Variants in CFAP54 observed in about 807,000 individuals in gnomAD.
CFAP54 encodes the protein cilia- and flagella-associated protein 54.
Under a neutral mutation model 370.4 loss-of-function variants are expected in CFAP54, and 290 were observed. The ratio of observed to expected loss-of-function variants is 0.78; its 90% CI spans 0.71 to 0.86. CFAP54 has a LOEUF of 0.86. Among genes scored for constraint, CFAP54 ranks in the 40% least tolerant of loss-of-function variants. The pLI is 0.00. For missense variants in CFAP54, 3,399 were observed against 3,528.7 expected (o/e 0.96, Z 0.93); for synonymous variants, 1,206 against 1,236.5 (o/e 0.98, Z 0.52).
chr12:96,652,905 C>T (rs890981064), intron 36 of CFAP54, among the ~76,000 whole-genome samples: 2 of 152,150 alleles, frequency 1.3e-5, no homozygotes, highest in Non-Finnish European at 1.5e-5. Flanking sequence ...AGGGACATTT[C>T]GTGTTAAGAA....
At chr12:96,516,384 A>G (rs1955236132) in intron 5 of CFAP54, among the ~76,000 whole-genome samples, 1 of 139,916 alleles carries the variant, frequency 7.1e-6, no homozygotes, top group Non-Finnish European at 1.5e-5. Context: ...GACCCATTCT[A>G]TTTTGGTTTA....
intron 48 of CFAP54, among the ~76,000 whole-genome samples, chr12:96,711,073 A>G (rs1019912496): frequency 2.0e-5 from 3 of 152,300 alleles, no homozygotes; most frequent in South Asian, 2.1e-4. Context: ...TTTGATGAGC[A>G]ATTCAATCTC....
chr12:96,803,929 A>C (rs758840858), intron 63 of CFAP54, among the ~76,000 whole-genome samples: 2 of 152,158 alleles, frequency 1.3e-5, no homozygotes, highest in Non-Finnish European at 2.9e-5. Flanking sequence ...AGCATTCAAA[A>C]TATTGGTTTG....
intron 58 of CFAP54, 58 bp downstream of exon 58, chr12:96,757,646 G>A (rs563228796): frequency 2.1e-6 from 2 of 965,514 alleles, no homozygotes; most frequent in Non-Finnish European, 3.1e-6. Flanking sequence ...TGCTATTTTG[G>A]TAACACTGTG....
At chr12:96,743,262 A>G in intron 52 of CFAP54, 140 bp from the exon 53 acceptor site, 1 of 802,968 alleles carries the variant, frequency 1.2e-6, no homozygotes, top group Non-Finnish European at 1.9e-6. Context: ...TGTTTCATGT[A>G]GAGTCTGTTT....
At chr12:96,589,021 T>C (rs916047692) in intron 22 of CFAP54, among the ~76,000 whole-genome samples, 2 of 152,164 alleles carry the variant, frequency 1.3e-5, no homozygotes, top group Non-Finnish European at 2.9e-5. Context: ...TTTTCACATA[T>C]TGGGTTTGGG....
intron 66 of CFAP54, among the ~76,000 whole-genome samples, chr12:96,839,159 A>G (rs1959196467): frequency 1.3e-5 from 2 of 152,106 alleles, no homozygotes; most frequent in Admixed American, 6.5e-5. Flanking sequence ...GCTCAGCTCT[A>G]TTTTCTAGTC....
In CFAP54 at chr12:96,658,327, A is replaced by G; in HGVS notation, c.5441A>G (p.Glu1814Gly). 1 of 1,614,138 alleles carries G rather than the reference A, an allele frequency of 6.2e-7. No homozygotes were observed. Among genetic ancestry groups the G allele is most frequent in the South Asian group, 1.1e-5 (1 of 91,078 alleles). ...DITQQPCARYEAEYGEKITCR... is the reference protein window; with the variant it reads ...DITQQPCARYGAEYGEKITCR... ...ACCCAACAACCTTGTGCAAGGTATG[A>G]GGCTGAATATGGAGAGAAGGTAAGT... The change falls in exon 38 of 68, where the codon GAG (glutamate) becomes GGG (glycine). Residue 1814 changes from glutamate to glycine, a missense_variant. By Grantham distance (98) the Glu-to-Gly change is moderately conservative. This residue lies in a region of CFAP54 where 2,796 missense variants were observed against 2,869.7 expected (regional missense o/e 0.97). Coordinates refer to ENST00000524981, the MANE Select transcript of CFAP54 (RefSeq NM_001306084.2).
chr12:96,643,141 A>G, intron 32 of CFAP54, among the ~76,000 whole-genome samples: 1 of 152,316 alleles, frequency 6.6e-6, no homozygotes, highest in Middle Eastern at 3.4e-3. Flanking sequence ...GGATACAGCT[A>G]TTAAAAAGAT....
chr12:96,860,373 G>A (rs1179239909), intron 66 of CFAP54, among the ~76,000 whole-genome samples: 2 of 152,068 alleles, frequency 1.3e-5, no homozygotes, highest in South Asian at 2.1e-4. Flanking sequence ...GGATGACTTT[G>A]GCTGTACTAG....
At chr12:96,826,992 ATT>A (rs1959123003) in intron 65 of CFAP54, among the ~76,000 whole-genome samples, 3 of 140,682 alleles carry the variant, frequency 2.1e-5, no homozygotes, top group Non-Finnish European at 4.5e-5. Context: ...ATAATATGCA[ATT>A]ATATATGATT....
At chr12:96,872,503 G>A (rs545767280) in intron 67 of CFAP54, among the ~76,000 whole-genome samples, 5 of 152,154 alleles carry the variant, frequency 3.3e-5, no homozygotes, top group African/African-American at 1.2e-4. Context: ...AGCTGGTGTC[G>A]CTATATTGTC....
At chr12:96,650,516 C>T (rs574582290) in intron 35 of CFAP54, among the ~76,000 whole-genome samples, 56 of 152,236 alleles carry the variant, frequency 3.7e-4, no homozygotes, top group African/African-American at 1.2e-3. Flanking sequence ...CCTGCCCTTG[C>T]CCCCGGTCTC....
chr12:96,867,863 G>A (rs1960044535), intron 67 of CFAP54, among the ~76,000 whole-genome samples: 1 of 152,058 alleles, frequency 6.6e-6, no homozygotes, highest in African/African-American at 2.4e-5. Context: ...ACAATGTGTT[G>A]TACGCTCAAA....
At chr12:96,567,282 T>G (rs1955873111) in intron 19 of CFAP54, among the ~76,000 whole-genome samples, 1 of 152,068 alleles carries the variant, frequency 6.6e-6, no homozygotes, top group African/African-American at 2.4e-5. Context: ...GGGGAGAGGA[T>G]AGTAGCACGG....
At chr12:96,779,667 C>CAT (rs894855262) in intron 60 of CFAP54, among the ~76,000 whole-genome samples, 5 of 148,174 alleles carry the variant, frequency 3.4e-5, no homozygotes, top group East Asian at 2.0e-4. Flanking sequence ...TATATATTAA[C>CAT]ATATATATAT....
chr12:96,582,642 G>A (rs769829729), intron 22 of CFAP54, among the ~76,000 whole-genome samples: 7 of 152,052 alleles, frequency 4.6e-5, no homozygotes, highest in Non-Finnish European at 8.8e-5. Context: ...TTTCATCAAG[G>A]CCTAATTTTT....
chr12:96,657,863 T>C lies in CFAP54; in HGVS notation c.5101-19T>C. ...AAATCTGAAATTACACATTTTTTTTTTCACTGTGCTACTTGCAGCCTATTG... is the reference window on the plus strand; with the variant it reads ...AAATCTGAAATTACACATTTTTTTTCTCACTGTGCTACTTGCAGCCTATTG... On this transcript the variant is annotated intron_variant, in intron 36 of 67. Transcript: ENST00000524981. 2 of 1,491,948 alleles carry C rather than the reference T, an allele frequency of 1.3e-6. No homozygotes were observed. The highest frequency in any genetic ancestry group is 1.3e-5 in the South Asian group (1 of 79,828). 92.4% of individuals were successfully genotyped at this position (1,491,948 alleles called of 1,614,324 possible). A position where few individuals can be genotyped will look rare whatever the true frequency, so the allele number is the denominator to read the frequency against.
chr12:96,575,445 A>C (rs943042627), intron 19 of CFAP54, among the ~76,000 whole-genome samples: 3 of 152,064 alleles, frequency 2.0e-5, no homozygotes, highest in Non-Finnish European at 4.4e-5. Context: ...GTTCCAGAAC[A>C]CTTTAAGTGA....
Sources: gnomAD v4.1 joint callset for allele counts (sites outside exome capture counted in the v4.1 genomes callset) on GRCh38, gnomAD v4.1.1 for gene constraint, gnomAD v4.1.1 regional missense constraint, MANE v1.5 for transcripts, NCBI Gene and HGNC (gene_info 2026-07-23, HGNC 2026-07-21) for gene names.